Variants in UTS2B observed in about 807,000 individuals in gnomAD.
UTS2B encodes the protein urotensin-2B.
UTS2B carries 21 observed loss-of-function variants against 19.2 expected under a neutral mutation model. The observed-to-expected ratio is 1.09, with a 90% CI of 0.78 to 1.58. The LOEUF is 1.58. Ranked by LOEUF, UTS2B falls within the 40% of genes most tolerant of loss-of-function variation. UTS2B has a pLI of 0.00. For synonymous variants in UTS2B, 57 were observed against 50.2 expected, an observed-to-expected ratio of 1.14 and a Z score of -0.58; for missense variants, 138 against 130.3, an observed-to-expected ratio of 1.06 and a Z score of -0.29.
chr3:191,311,296 A>C (rs115704064), intron 3 of UTS2B, among the ~76,000 whole-genome samples: 104 of 152,320 alleles, frequency 6.8e-4, no homozygotes, highest in African/African-American at 2.4e-3. Context: ...TTGAAGAAAA[A>C]TTATTCGATA....
intron 2 of UTS2B, among the ~76,000 whole-genome samples, chr3:191,322,539 A>G (rs1037251930): frequency 6.6e-6 from 1 of 152,228 alleles, no homozygotes; most frequent in African/African-American, 2.4e-5. Flanking sequence ...TCAAGAAAGA[A>G]TGAGAGAGTA....
At chr3:191,315,915 T>C (rs959923617) in intron 3 of UTS2B, 121 bp downstream of exon 3, 6 of 152,244 alleles carry the variant, frequency 3.9e-5, no homozygotes, top group African/African-American at 1.4e-4. Context: ...TTGAAACATA[T>C]TCTTTTGGTT....
At chr3:191,336,448 T>G in the UTS2B span, among the ~76,000 whole-genome samples, 5 of 152,230 alleles carry the variant, frequency 3.3e-5, no homozygotes, top group African/African-American at 9.6e-5. Context: ...TTTCTTGTGC[T>G]GATTTGCTAT....
At chr3:191,286,737 G>A (rs1352074864) in intron 4 of UTS2B, among the ~76,000 whole-genome samples, 1 of 151,940 alleles carries the variant, frequency 6.6e-6, no homozygotes, top group African/African-American at 2.4e-5. Context: ...GAAGCCCAAA[G>A]TTAGTGAGGG....
intron 4 of UTS2B, among the ~76,000 whole-genome samples, chr3:191,289,150 C>T (rs976792260): frequency 8.5e-5 from 13 of 152,162 alleles, no homozygotes; most frequent in African/African-American, 2.9e-4. Flanking sequence ...TGGCTCACGC[C>T]TGTAATCCCA....
chr3:191,311,548 C>T (rs1261388254), intron 3 of UTS2B, among the ~76,000 whole-genome samples: 1 of 152,178 alleles, frequency 6.6e-6, no homozygotes, highest in African/African-American at 2.4e-5. Context: ...CACGCTAACT[C>T]TGCACTTGTA....
intron 4 of UTS2B, chr3:191,294,525 T>C (rs183228280): frequency 1.3e-5 from 2 of 152,068 alleles, no homozygotes; most frequent in African/African-American, 4.8e-5. Context: ...CAACAGGAGC[T>C]ATGAGCTATG....
intron 3 of UTS2B, among the ~76,000 whole-genome samples, chr3:191,309,171 TG>T (rs1717221057): frequency 6.6e-6 from 1 of 152,294 alleles, no homozygotes; most frequent in African/African-American, 2.4e-5. Flanking sequence ...TTGTTTTGTT[TG>T]TTTTTTTTTA....
At chr3:191,308,192 G>A (rs1717196693) in intron 3 of UTS2B, among the ~76,000 whole-genome samples, 1 of 152,158 alleles carries the variant, frequency 6.6e-6, no homozygotes, top group African/African-American at 2.4e-5. Flanking sequence ...ATCACAATGA[G>A]AATGGCGAGA....
At chr3:191,287,583 T>G (rs1348147453) in intron 4 of UTS2B, among the ~76,000 whole-genome samples, 3 of 151,876 alleles carry the variant, frequency 2.0e-5, no homozygotes, top group Admixed American at 2.0e-4. Flanking sequence ...TCTCAACATA[T>G]TAAGTATGGA....
At chr3:191,292,585 T>C (rs1247029388) in intron 4 of UTS2B, among the ~76,000 whole-genome samples, 1 of 152,192 alleles carries the variant, frequency 6.6e-6, no homozygotes, top group Non-Finnish European at 1.5e-5. Context: ...ACATAGAAGA[T>C]CATGTCAACA....
At chr3:191,294,107 T>A (rs1466446466) in intron 4 of UTS2B, among the ~76,000 whole-genome samples, 1 of 147,104 alleles carries the variant, frequency 6.8e-6, no homozygotes, top group Non-Finnish European at 1.5e-5. Flanking sequence ...AAAACCCATC[T>A]CAAAAAAACA....
At chr3:191,341,228 T>G in the UTS2B span, among the ~76,000 whole-genome samples, 1 of 152,218 alleles carries the variant, frequency 6.6e-6, no homozygotes, top group African/African-American at 2.4e-5. Context: ...AGAAAATAAC[T>G]AATTATAAGA....
At chr3:191,332,782 C>T (rs1433011771), upstream of UTS2B, among the ~76,000 whole-genome samples, 2 of 152,186 alleles carry the variant, frequency 1.3e-5, no homozygotes, top group Non-Finnish European at 2.9e-5. Flanking sequence ...AATCAAGACT[C>T]CCTACTTCCT....
intron 1 of UTS2B, chr3:191,329,510 G>C: frequency 1.7e-6 from 1 of 599,226 alleles, no homozygotes; most frequent in Non-Finnish European, 2.7e-6. Flanking sequence ...CGCTGCTTTG[G>C]TCACCAGCCC....
chr3:191,285,270 G>A (rs1716504079), intron 4 of UTS2B, among the ~76,000 whole-genome samples: 1 of 152,170 alleles, frequency 6.6e-6, no homozygotes, highest in Non-Finnish European at 1.5e-5. Context: ...ATCAGCTTAG[G>A]ATAGTATGTT....
chr3:191,288,667 T>TAA (rs34943784), intron 4 of UTS2B, among the ~76,000 whole-genome samples: 48,560 of 150,034 alleles, frequency 0.32, 8,617 homozygotes, highest in Middle Eastern at 0.48. Context: ...AAATCTACTG[T>TAA]AAAAAAAAAA....
rs1716414071 is a variant in UTS2B, at chr3:191,282,326, A to AAAAG, written c.-124-17_-124-14dup. 1 of 596,470 alleles carries AAAAG rather than the reference A, an allele frequency of 1.7e-6. No homozygotes were observed. The highest frequency in any genetic ancestry group is 1.9e-5 in the African/African-American group (1 of 53,806). 36.9% of individuals were successfully genotyped at this position (596,470 alleles called of 1,614,324 possible). On this transcript the variant is annotated splice_polypyrimidine_tract_variant and intron_variant, in intron 4 of 8. Coordinates refer to ENST00000340524, the MANE Select transcript of UTS2B (RefSeq NM_198152.5). ...AGTTACGAATGATCTAGATGAAGGA[A>AAAAG]AAAGAAAGAAAGAAAATAAATCTAT...
chr3:191,319,094 C>A (rs1195935412), intron 2 of UTS2B, among the ~76,000 whole-genome samples: 1 of 151,872 alleles, frequency 6.6e-6, no homozygotes, highest in East Asian at 1.9e-4. Context: ...TGACACTTTG[C>A]TGAATTTTCC....
Sources: allele counts gnomAD v4.1 joint callset (sites outside exome capture counted in the v4.1 genomes callset), GRCh38; gene constraint gnomAD v4.1.1; transcripts MANE v1.5; gene names NCBI Gene and HGNC (gene_info 2026-07-23, HGNC 2026-07-21).